NEGR1: variants seen among roughly 807,000 people sequenced by gnomAD.
NEGR1 encodes the protein neuronal growth regulator 1, also known as IgLON family member 4.
Under a neutral mutation model 40.9 loss-of-function variants are expected in NEGR1, and 10 were observed. The observed-to-expected ratio is 0.24, with a 90% CI of 0.15 to 0.42. The LOEUF (loss-of-function observed/expected upper bound fraction) is 0.42, where lower values mean the gene tolerates loss of function less well. Among genes scored for constraint, NEGR1 ranks in the 10% least tolerant of loss-of-function variants. The pLI is 1.00. For missense variants in NEGR1, 352 were observed against 438.9 expected (o/e 0.80, Z 1.77); for synonymous variants, 185 against 166.8 (o/e 1.11, Z -0.84).
chr1:72,012,533 G>A (rs1646666235), intron 1 of NEGR1, among the ~76,000 whole-genome samples: 1 of 152,002 alleles, frequency 6.6e-6, no homozygotes, highest in Non-Finnish European at 1.5e-5. Flanking sequence ...TTGGGGCTTG[G>A]ACATCATCCA....
intron 3 of NEGR1, among the ~76,000 whole-genome samples, chr1:71,757,093 T>C (rs1191062350): frequency 1.3e-5 from 2 of 152,128 alleles, no homozygotes; most frequent in Non-Finnish European, 2.9e-5. Context: ...AAAATTTACA[T>C]ACAGCATTTA....
chr1:71,837,937 G>A (rs1659101206), intron 2 of NEGR1, among the ~76,000 whole-genome samples: 1 of 151,996 alleles, frequency 6.6e-6, no homozygotes, highest in African/African-American at 2.4e-5. Context: ...TCTTCCTGAT[G>A]TTCTAACTAT....
chr1:72,040,366 C>A (rs1489140972), intron 1 of NEGR1, among the ~76,000 whole-genome samples: 10 of 151,492 alleles, frequency 6.6e-5, no homozygotes, highest in African/African-American at 2.4e-4. Context: ...TAGAATGAAC[C>A]ATTCTACAGT....
chr1:72,201,897 G>A (rs1653227044), intron 1 of NEGR1, among the ~76,000 whole-genome samples: 1 of 151,860 alleles, frequency 6.6e-6, no homozygotes, highest in Non-Finnish European at 1.5e-5. Context: ...CAAGCACACA[G>A]AATTTTATTG....
In NEGR1 at chr1:71,900,698, T is replaced by C. The variant is rs141664048; in HGVS notation, c.409+34381A>G. 1.5e-3 allele frequency among the ~76,000 whole-genome samples: 233 copies of C among 152,332 alleles called. 8 individuals are homozygous for C. The East Asian group carries it at 0.041, about 27-fold the overall frequency. The stretch of plus-strand genomic sequence containing the variant: ...TTAAGAGGAAACATAAGATTTGAAC[T>C]GTAACCACAATGATAGATGCTAGAA... On this transcript the variant is annotated intron_variant, in intron 2 of 6. Coordinates refer to ENST00000357731, the MANE Select transcript of NEGR1 (RefSeq NM_173808.3).
At chr1:71,549,691 A>T (rs1004130957) in intron 6 of NEGR1, among the ~76,000 whole-genome samples, 9 of 151,720 alleles carry the variant, frequency 5.9e-5, no homozygotes, top group Non-Finnish European at 1.3e-4. Flanking sequence ...CATGCTCTTA[A>T]GCAATGCATA....
intron 1 of NEGR1, among the ~76,000 whole-genome samples, chr1:72,076,739 T>C (rs1483806467): frequency 2.0e-5 from 3 of 152,106 alleles, no homozygotes; most frequent in Non-Finnish European, 4.4e-5. Context: ...CACACACACA[T>C]ACTGTATCCA....
chr1:71,823,574 A>C (rs957634372), intron 2 of NEGR1, among the ~76,000 whole-genome samples: 1 of 151,996 alleles, frequency 6.6e-6, no homozygotes, highest in African/African-American at 2.4e-5. Flanking sequence ...TTTATCCTCT[A>C]TTCTCAGCAC....
intron 6 of NEGR1, among the ~76,000 whole-genome samples, chr1:71,528,663 A>C (rs546840531): frequency 2.7e-4 from 41 of 151,478 alleles, no homozygotes; most frequent in Non-Finnish European, 5.6e-4. Context: ...TAAATAATTC[A>C]GTTTACAAAC....
chr1:72,125,901 C>T (rs1290996951), intron 1 of NEGR1, among the ~76,000 whole-genome samples: 2 of 152,146 alleles, frequency 1.3e-5, no homozygotes, highest in Non-Finnish European at 2.9e-5. Flanking sequence ...AGAACAGAAG[C>T]CAGGTGTCCA....
intron 1 of NEGR1, among the ~76,000 whole-genome samples, chr1:72,179,421 T>C (rs1276972802): frequency 1.3e-5 from 2 of 152,104 alleles, no homozygotes; most frequent in African/African-American, 4.8e-5. Context: ...CTGCAGTTAT[T>C]TGTTACATAG....
chr1:71,952,439 G>T (rs1283365133), intron 1 of NEGR1, among the ~76,000 whole-genome samples: 1 of 151,898 alleles, frequency 6.6e-6, no homozygotes, highest in Non-Finnish European at 1.5e-5. Flanking sequence ...TCAGTTCTAT[G>T]AAGGCTGAGA....
chr1:71,486,298 T>C (rs1646887532), intron 6 of NEGR1: 1 of 151,690 alleles, frequency 6.6e-6, no homozygotes, highest in Non-Finnish European at 1.5e-5. Context: ...AATCAGATTG[T>C]GTTTTTATTG....
intron 2 of NEGR1, among the ~76,000 whole-genome samples, chr1:71,912,556 G>T (rs547833927): frequency 3.1e-4 from 47 of 152,182 alleles, no homozygotes; most frequent in Admixed American, 4.6e-4. Context: ...CAGCTACTCT[G>T]ATAAACGTCA....
intron 6 of NEGR1, among the ~76,000 whole-genome samples, chr1:71,506,494 C>G (rs1647035759): frequency 1.3e-5 from 2 of 152,206 alleles, no homozygotes; most frequent in South Asian, 4.1e-4. Context: ...GGCCCTAATG[C>G]TAAGTACCCC....
chr1:71,928,229 C>CGTATATATGTATATATACACACATAT (rs1645807047), intron 2 of NEGR1, among the ~76,000 whole-genome samples: 3 of 24,994 alleles, frequency 1.2e-4, no homozygotes, highest in Admixed American at 6.2e-4. Context: ...TATGTATATA[C>CGTATATATGTATATATACACACATAT]GTATATATGT....
intron 1 of NEGR1, among the ~76,000 whole-genome samples, chr1:72,093,825 G>C (rs187212641): frequency 2.4e-4 from 36 of 152,228 alleles, no homozygotes; most frequent in African/African-American, 8.4e-4. Flanking sequence ...AATAGAAAAG[G>C]TTAGTTAATT....
chr1:71,674,775 C>T (rs369418470), intron 4 of NEGR1, among the ~76,000 whole-genome samples: 2 of 152,088 alleles, frequency 1.3e-5, no homozygotes, highest in Non-Finnish European at 2.9e-5. Flanking sequence ...GTAACCTTAT[C>T]AGAAAGGGCT....
chr1:72,098,295 T>A (rs922358808), intron 1 of NEGR1, among the ~76,000 whole-genome samples: 2 of 151,922 alleles, frequency 1.3e-5, no homozygotes, highest in African/African-American at 2.4e-5. Context: ...GAAAAAAAAA[T>A]TTAAAACGGA....
Sources: gnomAD v4.1 joint callset for allele counts (sites outside exome capture counted in the v4.1 genomes callset) on GRCh38, gnomAD v4.1.1 for gene constraint, MANE v1.5 for transcripts, NCBI Gene and HGNC (gene_info 2026-07-23, HGNC 2026-07-21) for gene names.